The following SLC17A5 variants were observed in gnomAD, a reference collection of about 807,000 sequenced individuals.
SLC17A5 encodes the protein sialin.
In SLC17A5, 47 loss-of-function variants were observed where a neutral mutation model predicts 59.4. The observed-to-expected ratio is 0.79, with a 90% confidence interval of 0.63 to 1.01. The LOEUF (loss-of-function observed/expected upper bound fraction) is 1.01. SLC17A5 is among the 50% of genes least tolerant of loss of function. The pLI is 0.00. For synonymous variants in SLC17A5, 202 were observed against 210.7 expected (o/e 0.96, Z 0.36); for missense variants, 522 against 595.5 (o/e 0.88, Z 1.28).
At position 73,653,779 on chromosome 6, in the gene SLC17A5, AC is replaced by A. The variant is rs911217044; in HGVS notation, c.94+13del. On this transcript the variant is annotated intron_variant, in intron 1 of 10. Transcript: ENST00000355773. ...GCTGCCCACTCGAAGCCCCTGGACG[AC>A]CCCGCCGCTTACCGGCTTCGGCCCG... 3.8e-6 allele frequency: 6 copies of A among 1,569,860 alleles called. No individual in the cohort carries two copies. In the African/African-American group the frequency reaches 6.8e-5, roughly 18 times the overall value.
At position 73,635,443 on chromosome 6, in the gene SLC17A5, T is replaced by C. The variant is rs1246171001; in HGVS notation, c.758A>G (p.Gln253Arg). 5 of 1,610,228 alleles carry C rather than the reference T, an allele frequency of 3.1e-6. No individual in the cohort carries two copies. The Admixed American group carries it at 5.0e-5, about 16-fold the overall frequency. The change falls in exon 6 of 11, where the codon CAA (glutamine) becomes CGA (arginine). Residue 253 changes from glutamine to arginine, a missense_variant. By Grantham distance (43) the Gln-to-Arg change is conservative (BLOSUM62 1). Coordinates refer to ENST00000355773, the MANE Select transcript of SLC17A5 (RefSeq NM_012434.5). The stretch of plus-strand genomic sequence containing the variant: ...ATAATGGGAAATTCTCTTGTGTTTT[T>C]GTGGTGTGTCACTAACTAACCAGAT... ...LWIWLVSDTP[Q>R]KHKRISHYEK...
chr6:73,608,787 G>A (rs1581961466), intron 9 of SLC17A5, among the ~76,000 whole-genome samples: 1 of 152,138 alleles, frequency 6.6e-6, no homozygotes, highest in Non-Finnish European at 1.5e-5. Context: ...GGGCTGAGGC[G>A]GGAAGATTAC....
At chr6:73,650,275 C>T (rs1181615751) in intron 1 of SLC17A5, among the ~76,000 whole-genome samples, 3 of 150,978 alleles carry the variant, frequency 2.0e-5, no homozygotes, top group Non-Finnish European at 4.4e-5. Context: ...TCTGGGAGGC[C>T]GAGGCAGGTG....
At chr6:73,653,448 C>T (rs2150127575) in intron 1 of SLC17A5, 1 of 985,402 alleles carries the variant, frequency 1.0e-6, no homozygotes, top group East Asian at 1.1e-4. Flanking sequence ...GGGTCCCTTG[C>T]TCAGCACTAC....
intron 7 of SLC17A5, among the ~76,000 whole-genome samples, chr6:73,618,865 C>G (rs1768001218): frequency 6.6e-6 from 1 of 152,080 alleles, no homozygotes; most frequent in African/African-American, 2.4e-5. Context: ...GCTGGGATTA[C>G]AGGCACGAGC....
At chr6:73,620,545 A>G (rs1768093675) in intron 7 of SLC17A5, among the ~76,000 whole-genome samples, 1 of 152,184 alleles carries the variant, frequency 6.6e-6, no homozygotes, top group Admixed American at 6.6e-5. Context: ...GTTTTTCAGA[A>G]GTAGACAGAG....
At position 73,610,719 on chromosome 6, in the gene SLC17A5, G is replaced by A. The variant is rs141409790; in HGVS notation, c.1112-172C>T. Among the ~76,000 whole-genome samples, 327 of 152,106 alleles carry A rather than the reference G, an allele frequency of 2.1e-3. 1 individual carries two copies. The highest frequency in any genetic ancestry group is 2.5e-3 in the Non-Finnish European group (169 of 68,010). On this transcript the variant is annotated intron_variant, in intron 8 of 10. Transcript: ENST00000355773. ...AAAAAAAATGCTGGAAAACATGGGC[G>A]TAATACAACTAATATACTATAAAAG...
chr6:73,600,935 T>G (rs181995187), intron 9 of SLC17A5, among the ~76,000 whole-genome samples: 2 of 152,348 alleles, frequency 1.3e-5, no homozygotes, highest in East Asian at 3.9e-4. Flanking sequence ...TAAGTAGCAT[T>G]TTAACATTAA....
At chr6:73,601,913 C>T (rs1486581748) in intron 9 of SLC17A5, among the ~76,000 whole-genome samples, 11 of 151,818 alleles carry the variant, frequency 7.2e-5, no homozygotes, top group East Asian at 3.9e-4. Context: ...CCCCTCTGCC[C>T]GGCCACCACC....
At chr6:73,644,050 A>G (rs1335217275) in intron 2 of SLC17A5, among the ~76,000 whole-genome samples, 1 of 152,212 alleles carries the variant, frequency 6.6e-6, no homozygotes, top group South Asian at 2.1e-4. Context: ...CTGTAACTCT[A>G]TAAGTGATAT....
rs1766701557 is a variant in SLC17A5, at chr6:73,594,287, GGATTAC to G, written c.*784_*789del. 1.3e-5 allele frequency: 2 copies of G among 152,304 alleles called. No homozygotes were observed. Among genetic ancestry groups the G allele is most frequent in the African/African-American group, 4.8e-5 (2 of 41,424 alleles). 9.4% of individuals were successfully genotyped at this position (152,304 alleles called of 1,614,324 possible). On this transcript the variant is annotated 3_prime_UTR_variant, in exon 11 of 11. Coordinates refer to ENST00000355773, the MANE Select transcript of SLC17A5 (RefSeq NM_012434.5). ...CCCACCTCAGCCCCCCAAAGTGCTG[GGATTAC>G]AGGCATGAGCCACCGTGCCCGGCCG...
At chr6:73,637,866 A>G (rs947480338) in intron 4 of SLC17A5, among the ~76,000 whole-genome samples, 2 of 152,210 alleles carry the variant, frequency 1.3e-5, no homozygotes, top group Non-Finnish European at 2.9e-5. Flanking sequence ...GCAATCTGAT[A>G]AAATTATAAT....
chr6:73,634,590 G>T (rs1370301660), intron 6 of SLC17A5, among the ~76,000 whole-genome samples: 1 of 152,104 alleles, frequency 6.6e-6, no homozygotes, highest in Non-Finnish European at 1.5e-5. Flanking sequence ...AGCAGAGATG[G>T]GGTTTTGTCA....
At chr6:73,647,853 AG>A (rs1401368927) in intron 1 of SLC17A5, among the ~76,000 whole-genome samples, 3 of 152,214 alleles carry the variant, frequency 2.0e-5, no homozygotes, top group African/African-American at 7.2e-5. Flanking sequence ...GGATCACCTG[AG>A]GTCAGGAGTT....
At chr6:73,606,009 A>G (rs1379764826) in intron 9 of SLC17A5, among the ~76,000 whole-genome samples, 1 of 151,788 alleles carries the variant, frequency 6.6e-6, no homozygotes, top group Non-Finnish European at 1.5e-5. Context: ...ACAAATAATA[A>G]TAATTTTGAA....
chr6:73,596,154 AAGAT>A (rs1228518335), intron 10 of SLC17A5, among the ~76,000 whole-genome samples: 1 of 152,046 alleles, frequency 6.6e-6, no homozygotes, highest in African/African-American at 2.4e-5. Context: ...AAGTTTACTG[AAGAT>A]AGATAGATAT....
chr6:73,645,071 A>G (rs754777872), intron 1 of SLC17A5, among the ~76,000 whole-genome samples: 90 of 152,352 alleles, frequency 5.9e-4, no homozygotes, highest in Non-Finnish European at 1.9e-4. Flanking sequence ...GTCAGCTGGC[A>G]AAGATATACG....
At position 73,593,444 on chromosome 6, in the gene SLC17A5, T is replaced by C. The variant is rs914900421; in HGVS notation, c.*1633A>G. The stretch of plus-strand genomic sequence containing the variant: ...CATTGCCATAGCAATTTAAAGCTAT[T>C]TACAAATTTAAAAATAAATGTACAT... On this transcript the variant is annotated 3_prime_UTR_variant, in exon 11 of 11. Coordinates refer to ENST00000355773, the MANE Select transcript of SLC17A5 (RefSeq NM_012434.5). 6.6e-6 allele frequency: 1 copy of C among 152,256 alleles called. No homozygotes were observed. The highest frequency in any genetic ancestry group is 1.5e-5 in the Non-Finnish European group (1 of 68,050). The allele number at this position is 152,256 out of a possible 1,614,324, so 9.4% of individuals were successfully genotyped here.
chr6:73,637,324 C>A (rs1769062578), intron 4 of SLC17A5, among the ~76,000 whole-genome samples: 1 of 152,132 alleles, frequency 6.6e-6, no homozygotes, highest in Admixed American at 6.6e-5. Context: ...CTAGCTGCAA[C>A]AAAGTAGTGA....
Sources: gnomAD v4.1 joint callset for allele counts (sites outside exome capture counted in the v4.1 genomes callset) on GRCh38, gnomAD v4.1.1 for gene constraint, MANE v1.5 for transcripts, NCBI Gene and HGNC (gene_info 2026-07-23, HGNC 2026-07-21) for gene names.